UGT2B11: variants seen among roughly 807,000 people sequenced by gnomAD.
UGT2B11 encodes the protein UDP glucuronosyltransferase family 2 member B11, also known as UDP-glucuronosyltransferase 2B11.
Under a neutral mutation model 51.7 loss-of-function variants are expected in UGT2B11, and 49 were observed. The ratio of observed to expected loss-of-function variants is 0.95; its 90% confidence interval spans 0.75 to 1.20. The LOEUF is 1.20. Among genes scored for constraint, UGT2B11 ranks in the 50% most tolerant of loss-of-function variants. UGT2B11 has a pLI of 0.00. For missense variants in UGT2B11, 810 were observed against 622.1 expected, an observed-to-expected ratio of 1.30 and a Z score of -3.21; for synonymous variants, 273 against 209.0, an observed-to-expected ratio of 1.31 and a Z score of -2.64.
At position 69,200,083 on chromosome 4, in the gene UGT2B11, G is replaced by A. The variant is rs145747490; in HGVS notation, c.*357C>T. ...GACTTCTTAATGTTCTTGTGTTTAT[G>A]TAAAATGTGTGAAATATAGTTAAGC... On this transcript the variant is annotated 3_prime_UTR_variant, in exon 6 of 6. Transcript: ENST00000446444. 8,155 of 175,738 alleles carry A rather than the reference G, an allele frequency of 0.046. 233 individuals carry two copies. Among genetic ancestry groups the A allele is most frequent in the South Asian group, 0.11 (767 of 7,088 alleles). The allele number at this position is 175,738 out of a possible 1,614,324, so 10.9% of individuals were successfully genotyped here. A position where few individuals can be genotyped will look rare whatever the true frequency, so the allele number is the denominator to read the frequency against.
At chr4:69,214,875 A>C, upstream of UGT2B11, 2 of 1,224,074 alleles carry the variant, frequency 1.6e-6, no homozygotes, top group Non-Finnish European at 2.2e-6. Context: ...GGAGACAAAC[A>C]AAGTTCGATT....
chr4:69,224,365 C>T, the UGT2B11 span, among the ~76,000 whole-genome samples: 8 of 152,074 alleles, frequency 5.3e-5, no homozygotes, highest in Non-Finnish European at 1.0e-4. Flanking sequence ...CCCAGGTGTA[C>T]TTCCGGACCA....
intron 3 of UGT2B11, 43 bp downstream of exon 3, chr4:69,208,308 C>T (rs748541211): frequency 1.9e-6 from 3 of 1,605,258 alleles, no homozygotes; most frequent in East Asian, 2.2e-5. Flanking sequence ...CATTAACAGC[C>T]TCTTTCAGCA....
chr4:69,208,456 A>G lies in UGT2B11; in HGVS notation c.897T>C (p.Ser299=), dbSNP rs1721941514. The G allele has an allele frequency of 9.9e-6, 16 of 1,609,490 alleles. No individual in the cohort carries two copies. The highest frequency in any genetic ancestry group is 1.3e-5 in the Non-Finnish European group (15 of 1,178,018). The change falls in exon 3 of 6, where the codon TCT becomes TCC. Residue 299 remains serine (S), a synonymous_variant. Transcript: ENST00000446444. ...PKEMEEFVQS[S]GENGVVVFSL... ...AAAACACCACAACACCATTTTCTCC[A>G]GAGCTCTGTACAAACTCCTCCATTT...
At chr4:69,214,773 T>C (rs1253375223), upstream of UGT2B11, 8 of 1,572,516 alleles carry the variant, frequency 5.1e-6, no homozygotes, top group South Asian at 8.4e-5. Context: ...TTCTCATACT[T>C]ATATACAGAG....
At chr4:69,220,177 T>G in the UGT2B11 span, among the ~76,000 whole-genome samples, 2 of 152,152 alleles carry the variant, frequency 1.3e-5, no homozygotes, top group Non-Finnish European at 2.9e-5. Flanking sequence ...GGACAGTCAT[T>G]GCCAAAATGA....
At chr4:69,201,923 G>T (rs950001158) in intron 5 of UGT2B11, among the ~76,000 whole-genome samples, 1 of 151,704 alleles carries the variant, frequency 6.6e-6, no homozygotes, top group African/African-American at 2.4e-5. Context: ...CTACTGTTCA[G>T]GTCCTGGTAT....
upstream of UGT2B11, chr4:69,215,726 T>C (rs1409710750): frequency 6.6e-6 from 1 of 152,042 alleles, no homozygotes; most frequent in Admixed American, 6.6e-5. Flanking sequence ...AATAATTTTC[T>C]ATTCTCACCA....
intron 3 of UGT2B11, among the ~76,000 whole-genome samples, chr4:69,206,951 C>A (rs1721881316): frequency 6.6e-6 from 1 of 151,476 alleles, no homozygotes. Context: ...TAAATGCTGC[C>A]AAGATTTTAT....
intron 5 of UGT2B11, 89 bp downstream of exon 5, chr4:69,204,341 C>G: frequency 6.5e-7 from 1 of 1,541,004 alleles, no homozygotes; most frequent in Admixed American, 1.9e-5. Context: ...CAAGATTACT[C>G]TCTTATAAAA....
the UGT2B11 span, among the ~76,000 whole-genome samples, chr4:69,222,404 G>A: frequency 6.6e-6 from 1 of 152,146 alleles, no homozygotes; most frequent in East Asian, 1.9e-4. Context: ...TAGTTCACAG[G>A]CTTTTTCCTG....
chr4:69,215,149 A>G (rs1002512528), upstream of UGT2B11: 1 of 155,674 alleles, frequency 6.4e-6, no homozygotes, highest in African/African-American at 2.4e-5. Flanking sequence ...TTCAAATACC[A>G]TATGATTCAT....
Position 69,204,623 on chromosome 4 carries a change from T to G in UGT2B11, c.1117A>C (p.Thr373Pro). ...TAGATGCCATTGGCTCCACCATGAG[T>G]TATAAAAGCTCTGGTTTTTGGATGA... ...LGHPKTRAFITHGGANGIYEA... is the reference protein window; with the variant it reads ...LGHPKTRAFIPHGGANGIYEA... The change falls in exon 5 of 6, where the codon ACT becomes CCT. Residue 373 changes from threonine (T) to proline (P), a missense_variant. Coordinates refer to ENST00000446444, the MANE Select transcript of UGT2B11 (RefSeq NM_001073.3). 3 of 1,611,840 alleles carry G rather than the reference T, an allele frequency of 1.9e-6. No individual in the cohort carries two copies. The highest frequency in any genetic ancestry group is 2.5e-6 in the Non-Finnish European group (3 of 1,178,630).
chr4:69,206,450 A>G (rs184759150), intron 3 of UGT2B11, among the ~76,000 whole-genome samples: 1 of 151,726 alleles, frequency 6.6e-6, no homozygotes, highest in Admixed American at 6.6e-5. Context: ...ATAGATGGCA[A>G]CAACATACAC....
chr4:69,218,717 G>A (rs572093735), upstream of UGT2B11, among the ~76,000 whole-genome samples: 1 of 152,176 alleles, frequency 6.6e-6, no homozygotes, highest in East Asian at 1.9e-4. Flanking sequence ...AGAAAAGATA[G>A]TTCATTGAAA....
chr4:69,221,614 C>T, the UGT2B11 span, among the ~76,000 whole-genome samples: 3 of 152,220 alleles, frequency 2.0e-5, no homozygotes, highest in Admixed American at 1.3e-4. Flanking sequence ...ACAAGAAAGG[C>T]ATGTGAAAGA....
At chr4:69,218,122 A>G (rs527291945), upstream of UGT2B11, among the ~76,000 whole-genome samples, 17 of 152,280 alleles carry the variant, frequency 1.1e-4, no homozygotes, top group South Asian at 4.1e-4. Flanking sequence ...CCATAGTCCA[A>G]TCTTGCTTCC....
intron 3 of UGT2B11, among the ~76,000 whole-genome samples, chr4:69,206,243 G>A (rs552012456): frequency 6.6e-6 from 1 of 151,558 alleles, no homozygotes; most frequent in South Asian, 2.1e-4. Flanking sequence ...ATCAATTATG[G>A]AATGAATAAA....
chr4:69,211,718 A>C (rs541317727), intron 2 of UGT2B11, among the ~76,000 whole-genome samples: 1 of 151,526 alleles, frequency 6.6e-6, no homozygotes, highest in Non-Finnish European at 1.5e-5. Flanking sequence ...TGTTACCTGA[A>C]TCCATGGAAA....
Sources: allele counts gnomAD v4.1 joint callset (sites outside exome capture counted in the v4.1 genomes callset), GRCh38; gene constraint gnomAD v4.1.1; transcripts MANE v1.5; gene names NCBI Gene and HGNC (gene_info 2026-07-23, HGNC 2026-07-21).